NKX2-5: variants seen among roughly 807,000 people sequenced by gnomAD.
NKX2-5 encodes the protein homeobox protein Nkx-2.5.
Under a neutral mutation model 24.5 loss-of-function variants are expected in NKX2-5, and 3 were observed. The ratio of observed to expected loss-of-function variants is 0.12; its 90% confidence interval spans 0.06 to 0.32. The LOEUF (loss-of-function observed/expected upper bound fraction) is 0.32. Ranked by LOEUF, NKX2-5 falls within the 10% of genes least tolerant of loss-of-function variation. NKX2-5 has a pLI of 1.00. For missense variants in NKX2-5, 429 were observed against 452.4 expected, an observed-to-expected ratio of 0.95 and a Z score of 0.47; for synonymous variants, 215 against 217.6, an observed-to-expected ratio of 0.99 and a Z score of 0.11.
chr5:173,234,049 T>A lies in NKX2-5; in HGVS notation c.334+701A>T, dbSNP rs982795937. ...GGCCTGCGGGATGATCCCGCACTCATCTCGTCCACTCCCTTGTGCCCGCGG... is the reference window on the plus strand; with the variant it reads ...GGCCTGCGGGATGATCCCGCACTCAACTCGTCCACTCCCTTGTGCCCGCGG... On this transcript the variant is annotated intron_variant, in intron 1 of 1. Transcript: ENST00000329198. 3 of 1,289,312 alleles carry A rather than the reference T, an allele frequency of 2.3e-6. No homozygotes were observed. In the Middle Eastern group the frequency reaches 6.4e-4, roughly 275 times the overall value. The allele number at this position is 1,289,312 out of a possible 1,614,324, so 79.9% of individuals were successfully genotyped here.
At position 173,232,678 on chromosome 5, in the gene NKX2-5, TTGGCGGCGGCAG is replaced by T; in HGVS notation, c.854_865del (p.Thr285_Ala288del). The T allele has an allele frequency of 6.2e-7, 1 of 1,611,552 alleles. No individual in the cohort carries two copies. Among genetic ancestry groups the T allele is most frequent in the Non-Finnish European group, 8.5e-7 (1 of 1,178,476 alleles). On this transcript the variant is annotated inframe_deletion, in exon 2 of 2. Coordinates refer to ENST00000329198, the MANE Select transcript of NKX2-5 (RefSeq NM_004387.4). This position sits in a 1 kb window ranked among gnomAD's most constrained non-coding sequence, Gnocchi z 5.9. Reference sequence around the variant, plus strand: ...GACGCCGAAGTTCACGAAGTTGTTGTTGGCGGCGGCAGTGGCCGGCTGCGCTGGGGAAGGCCC... The same window carrying T: ...GACGCCGAAGTTCACGAAGTTGTTGTTGGCCGGCTGCGCTGGGGAAGGCCC...
chr5:173,233,526 A>AAAAAT (rs1561620302), intron 1 of NKX2-5: 14 of 885,606 alleles, frequency 1.6e-5, no homozygotes, highest in Admixed American at 9.5e-5. Context: ...AAAATAAATA[A>AAAAAT]AAAAATAAAA....
rs1412881128 is a variant in NKX2-5 at position 173,235,125 on chromosome 5, A to G, written c.-42T>C. ...TCACAGCGCCAGGTGGGCGGCAGAA[A>G]GCGGCGCTGCCCACGGCCCCTGGCA... On this transcript the variant is annotated 5_prime_UTR_variant, in exon 1 of 2. Transcript: ENST00000329198. The G allele has an allele frequency of 6.4e-7, 1 of 1,565,370 alleles. No individual in the cohort carries two copies. The highest frequency in any genetic ancestry group is 8.6e-7 in the Non-Finnish European group (1 of 1,157,630).
Position 173,235,187 on chromosome 5 carries a change from C to T in NKX2-5, c.-104G>A, listed in dbSNP as rs1472365627. On this transcript the variant is annotated 5_prime_UTR_variant, in exon 1 of 2. Coordinates refer to ENST00000329198, the MANE Select transcript of NKX2-5 (RefSeq NM_004387.4). ...TGGTGCCGCCGCCCGCCCGCGCACC[C>T]GTCGGCCAGCTCTGGATGTGTCCGG... 2.0e-5 allele frequency: 23 copies of T among 1,169,328 alleles called. No individual in the cohort carries two copies. Among genetic ancestry groups the T allele is most frequent in the Non-Finnish European group, 2.4e-5 (20 of 839,292 alleles). 72.4% of individuals were successfully genotyped at this position (1,169,328 alleles called of 1,614,324 possible).
chr5:173,232,296 G>A lies in NKX2-5; in HGVS notation c.*273C>T, dbSNP rs1354201241. 3 of 548,574 alleles carry A rather than the reference G, an allele frequency of 5.5e-6. No individual in the cohort carries two copies. Among genetic ancestry groups the A allele is most frequent in the East Asian group, 7.1e-5 (2 of 28,138 alleles). 34.0% of individuals were successfully genotyped at this position (548,574 alleles called of 1,614,324 possible). A position where few individuals can be genotyped will look rare whatever the true frequency, so the allele number is the denominator to read the frequency against. ...CCCGAGCTCAGTCCCAGTTCCAACC[G>A]GGGGTGCCCATGGACTCTCGGAGGG... On this transcript the variant is annotated 3_prime_UTR_variant, in exon 2 of 2. Coordinates refer to ENST00000329198, the MANE Select transcript of NKX2-5 (RefSeq NM_004387.4). This position sits in a 1 kb window ranked among gnomAD's most constrained non-coding sequence, Gnocchi z 5.9.
rs919084655 is a variant in NKX2-5 at position 173,232,799 on chromosome 5, C to T, written c.745G>A (p.Gly249Ser). ...GGATAGGCGGGGTAGGCGTTATAAC[C>T]GTAGGGATTGAGGCCCACGCCGTAG... ...PAYGVGLNPY[G>S]YNAYPAYPGY... The change falls in exon 2 of 2, where the codon GGT becomes AGT. Residue 249 changes from glycine (G) to serine (S), a missense_variant. By Grantham distance (56) the Gly-to-Ser change is moderately conservative. This residue lies in a region of NKX2-5 where 183 missense variants were observed against 185.9 expected (regional missense o/e 0.98). Coordinates refer to ENST00000329198, the MANE Select transcript of NKX2-5 (RefSeq NM_004387.4). The surrounding 1 kb of genome is among the most constrained non-coding windows in gnomAD (Gnocchi z 5.9). 1.2e-6 allele frequency: 2 copies of T among 1,611,658 alleles called. No homozygotes were observed. Among genetic ancestry groups the T allele is most frequent in the Non-Finnish European group, 1.7e-6 (2 of 1,179,472 alleles).
Position 173,234,916 on chromosome 5 carries a change from G to A in NKX2-5, c.168C>T (p.Tyr56=), listed in dbSNP as rs756377692. ...CMLAAFKPEA[Y]AGPEAAAPGL... is the part of the protein sequence containing the mutation. Reference sequence around the variant, plus strand: ...CCGGCGCAGCCGCCTCGGGCCCAGCGTAGGCCTCTGGCTTGAAGGCGGCCA... The same window carrying A: ...CCGGCGCAGCCGCCTCGGGCCCAGCATAGGCCTCTGGCTTGAAGGCGGCCA... The change falls in exon 1 of 2, where the codon TAC becomes TAT. Residue 56 remains tyrosine, a synonymous_variant. Transcript: ENST00000329198. 2.5e-6 allele frequency: 4 copies of A among 1,610,028 alleles called. No homozygotes were observed.
In NKX2-5 at chr5:173,232,483, G is replaced by A. The variant is rs1266320305; in HGVS notation, c.*86C>T. The A allele has an allele frequency of 6.4e-6, 10 of 1,566,386 alleles. No homozygotes were observed. In the African/African-American group the frequency reaches 1.1e-4, roughly 17 times the overall value. ...GAATGCAAAATCCAGGGGACTCAGGGTCATGTTGGGAGCCCCTTCTCCCCC... is the reference window on the plus strand; with the variant it reads ...GAATGCAAAATCCAGGGGACTCAGGATCATGTTGGGAGCCCCTTCTCCCCC... On this transcript the variant is annotated 3_prime_UTR_variant, in exon 2 of 2. Coordinates refer to ENST00000329198, the MANE Select transcript of NKX2-5 (RefSeq NM_004387.4). The surrounding 1 kb of genome is among the most constrained non-coding windows in gnomAD (Gnocchi z 5.9).
chr5:173,232,552 C>T lies in NKX2-5; in HGVS notation c.*17G>A, dbSNP rs775037256. On this transcript the variant is annotated 3_prime_UTR_variant, in exon 2 of 2. Transcript: ENST00000329198. The surrounding 1 kb of genome is among the most constrained non-coding windows in gnomAD (Gnocchi z 5.9). ...TGAGGTGGGATCGGTCAGGGTCGCGCCACGCGGGTCCCTTCCCTACCAGGC... is the reference window on the plus strand; with the variant it reads ...TGAGGTGGGATCGGTCAGGGTCGCGTCACGCGGGTCCCTTCCCTACCAGGC... The T allele has an allele frequency of 5.0e-6, 8 of 1,603,380 alleles. No homozygotes were observed. The South Asian group carries it at 8.8e-5, about 18-fold the overall frequency.
rs777921797 is a variant in NKX2-5 at position 173,234,848 on chromosome 5, G to C, written c.236C>G (p.Pro79Arg). ...LRAELGRAPS[P>R]AKCASAFPAA... ...GGGAAAGGCAGACGCACACTTGGCC[G>C]GTGAAGGCGCGCGGCCCAGCTCTGC... The change falls in exon 1 of 2, where the codon CCG (proline) becomes CGG (arginine). Residue 79 changes from proline to arginine, a missense_variant. Pro to Arg is a moderately radical substitution (Grantham distance 103, BLOSUM62 -2). Around this residue, in one of 3 missense-constraint regions of NKX2-5, gnomAD observed 240 missense variants for 240.4 expected, o/e 1.00. Coordinates refer to ENST00000329198, the MANE Select transcript of NKX2-5 (RefSeq NM_004387.4). The C allele has an allele frequency of 8.8e-6, 14 of 1,588,850 alleles. No individual in the cohort carries two copies. In the East Asian group the frequency reaches 9.1e-5, roughly 10 times the overall value.
In NKX2-5 at chr5:173,232,278, T is replaced by C; in HGVS notation, c.*291A>G. 2.1e-6 allele frequency: 1 copy of C among 480,266 alleles called. No individual in the cohort carries two copies. Among genetic ancestry groups the C allele is most frequent in the East Asian group, 4.1e-5 (1 of 24,628 alleles). The allele number at this position is 480,266 out of a possible 1,614,324, so 29.8% of individuals were successfully genotyped here. On this transcript the variant is annotated 3_prime_UTR_variant, in exon 2 of 2. Transcript: ENST00000329198. This position sits in a 1 kb window ranked among gnomAD's most constrained non-coding sequence, Gnocchi z 5.9. ...GATCTCAGGCCCTGCGTGCCCGAGC[T>C]CAGTCCCAGTTCCAACCGGGGGTGC...
At chr5:173,234,261 GT>G (rs1229852409) in intron 1 of NKX2-5, 1 of 1,205,788 alleles carries the variant, frequency 8.3e-7, no homozygotes, top group Non-Finnish European at 1.1e-6. Context: ...AGAAACCCGG[GT>G]CGTGGGTGGG....
rs1761408296 is a variant in NKX2-5 at position 173,234,200 on chromosome 5, A to G, written c.334+550T>C. 3.2e-6 allele frequency: 4 copies of G among 1,265,294 alleles called. No homozygotes were observed. In the South Asian group the frequency reaches 5.2e-5, roughly 16 times the overall value. 78.4% of individuals were successfully genotyped at this position (1,265,294 alleles called of 1,614,324 possible). On this transcript the variant is annotated intron_variant, in intron 1 of 1. Transcript: ENST00000329198. ...TCCGCAGTATCCCATTTTAAAATCA[A>G]GGCCCTCGATCCCAGACTCCACTTT...
intron 1 of NKX2-5, chr5:173,233,623 C>T (rs1345457090): frequency 3.0e-6 from 2 of 663,974 alleles, no homozygotes; most frequent in Non-Finnish European, 5.0e-6. Flanking sequence ...GAGGCCGAGG[C>T]CTCACTGCTA....
At chr5:173,233,517 A>C in intron 1 of NKX2-5, 1 of 768,416 alleles carries the variant, frequency 1.3e-6, no homozygotes, top group Non-Finnish European at 2.0e-6. Flanking sequence ...AAAAAAAAAA[A>C]AATAAATAAA....
At position 173,232,782 on chromosome 5, in the gene NKX2-5, G is replaced by C; in HGVS notation, c.762C>G (p.Pro254=). ...GLNPYGYNAY[P]AYPGYGGAAC... Reference sequence around the variant, plus strand: ...CCGCGCCGCCGTAACCCGGATAGGCGGGGTAGGCGTTATAACCGTAGGGAT... The same window carrying C: ...CCGCGCCGCCGTAACCCGGATAGGCCGGGTAGGCGTTATAACCGTAGGGAT... Residue 254 remains proline (P), a synonymous_variant, in exon 2 of 2, where the codon CCC becomes CCG. Coordinates refer to ENST00000329198, the MANE Select transcript of NKX2-5 (RefSeq NM_004387.4). This position sits in a 1 kb window ranked among gnomAD's most constrained non-coding sequence, Gnocchi z 5.9. 6 of 1,610,492 alleles carry C rather than the reference G, an allele frequency of 3.7e-6. No homozygotes were observed. Among genetic ancestry groups the C allele is most frequent in the African/African-American group, 1.3e-5 (1 of 74,874 alleles).
chr5:173,235,197 CTCTGGATGT>C lies in NKX2-5; in HGVS notation c.-123_-115del. The C allele has an allele frequency of 9.4e-7, 1 of 1,063,746 alleles. No homozygotes were observed. 65.9% of individuals were successfully genotyped at this position (1,063,746 alleles called of 1,614,324 possible). A position where few individuals can be genotyped will look rare whatever the true frequency, so the allele number is the denominator to read the frequency against. On this transcript the variant is annotated 5_prime_UTR_variant, in exon 1 of 2. Coordinates refer to ENST00000329198, the MANE Select transcript of NKX2-5 (RefSeq NM_004387.4). ...GCCCGCCCGCGCACCCGTCGGCCAG[CTCTGGATGT>C]GTCCGGGCAGCAGGTAGCGCTGAGC... is the stretch of plus-strand genomic sequence containing the variant.
In NKX2-5 at chr5:173,234,978, G is replaced by A. The variant is rs1172036454; in HGVS notation, c.106C>T (p.Arg36Cys). Residue 36 changes from arginine to cysteine, a missense_variant, in exon 1 of 2, where the codon CGC becomes TGC. By Grantham distance (180) the Arg-to-Cys change is radical. This residue lies in a region of NKX2-5 where 240 missense variants were observed against 240.4 expected (regional missense o/e 1.00). Coordinates refer to ENST00000329198, the MANE Select transcript of NKX2-5 (RefSeq NM_004387.4). The stretch of plus-strand genomic sequence containing the variant: ...GAGGGCGCCAGGGTCGCCTCCAGGC[G>A]GGCAGAGAGCTCTCCGGCGGCAGCC... Reference protein sequence around the residue: ...SLAAAGELSARLEATLAPSSC... With the variant: ...SLAAAGELSACLEATLAPSSC... The A allele has an allele frequency of 2.5e-6, 4 of 1,612,122 alleles. No individual in the cohort carries two copies. Among genetic ancestry groups the A allele is most frequent in the Middle Eastern group, 1.7e-4 (1 of 6,030 alleles).
chr5:173,233,655 T>G (rs1450393859), intron 1 of NKX2-5, among the ~76,000 whole-genome samples: 1 of 151,960 alleles, frequency 6.6e-6, no homozygotes, highest in Non-Finnish European at 1.5e-5. Flanking sequence ...ATCTCAAAAT[T>G]AAGGAATCAA....
Sources: gnomAD v4.1 joint callset for allele counts (sites outside exome capture counted in the v4.1 genomes callset) on GRCh38, gnomAD v4.1.1 for gene constraint, gnomAD v4.1.1 regional missense constraint, Gnocchi (gnomAD v3.1) non-coding constraint, MANE v1.5 for transcripts, NCBI Gene and HGNC (gene_info 2026-07-23, HGNC 2026-07-21) for gene names.